MPZL1: variants seen among roughly 807,000 people sequenced by gnomAD.
MPZL1 encodes the protein myelin protein zero-like protein 1.
Under a neutral mutation model 29.3 loss-of-function variants are expected in MPZL1, and 16 were observed. That is an observed-to-expected ratio of 0.55 (90% CI 0.37 to 0.83). MPZL1 has a LOEUF of 0.83. Among genes scored for constraint, MPZL1 ranks in the 40% least tolerant of loss-of-function variants. The pLI is 0.00. For missense variants in MPZL1, 279 were observed against 332.9 expected (o/e 0.84, Z 1.26); for synonymous variants, 143 against 132.0 (o/e 1.08, Z -0.57).
At position 167,754,397 on chromosome 1, in the gene MPZL1, A is replaced by G. The variant is rs376649452; in HGVS notation, c.92-11186A>G. On this transcript the variant is annotated intron_variant, in intron 1 of 5. Transcript: ENST00000359523. ...AATCACAATAAAAAATAGCACACAC[A>G]CTTGTGGGTGGTTATATGAATAATT... 2.0e-3 allele frequency among the ~76,000 whole-genome samples: 299 copies of G among 152,294 alleles called. 1 individual carries two copies. The highest frequency in any genetic ancestry group is 7.1e-3 in the African/African-American group (294 of 41,546).
chr1:167,722,543 G>A (rs1660055858), intron 1 of MPZL1, among the ~76,000 whole-genome samples: 1 of 152,222 alleles, frequency 6.6e-6, no homozygotes, highest in Admixed American at 6.5e-5. Context: ...GACCCGGCGG[G>A]CGGCTGCGGT....
intron 1 of MPZL1, among the ~76,000 whole-genome samples, chr1:167,736,038 A>G (rs1054837271): frequency 6.6e-6 from 1 of 152,124 alleles, no homozygotes; most frequent in African/African-American, 2.4e-5. Context: ...GATATTACCA[A>G]ATCAACTAAC....
intron 1 of MPZL1, among the ~76,000 whole-genome samples, chr1:167,750,922 A>G (rs1031694740): frequency 6.6e-6 from 1 of 152,218 alleles, no homozygotes; most frequent in African/African-American, 2.4e-5. Flanking sequence ...TGTATATTAT[A>G]TAAGCCAGTT....
intron 1 of MPZL1, among the ~76,000 whole-genome samples, chr1:167,724,561 G>A (rs1226807143): frequency 6.6e-6 from 1 of 152,188 alleles, no homozygotes; most frequent in African/African-American, 2.4e-5. Flanking sequence ...CATTGATGCA[G>A]GCTTGAAAGA....
intron 1 of MPZL1, among the ~76,000 whole-genome samples, chr1:167,743,398 G>C (rs149086432): frequency 6.6e-6 from 1 of 151,614 alleles, no homozygotes; most frequent in African/African-American, 2.4e-5. Context: ...AGTAGAGACG[G>C]GGTTTCACCA....
chr1:167,772,639 A>G (rs1413179152), intron 3 of MPZL1, 151 bp downstream of exon 3: 1 of 675,380 alleles, frequency 1.5e-6, no homozygotes, highest in Non-Finnish European at 2.5e-6. Context: ...TGGCTCTACC[A>G]AACACACTTG....
intron 1 of MPZL1, 111 bp downstream of exon 1, chr1:167,722,353 G>A (rs1004667928): frequency 8.2e-7 from 1 of 1,225,666 alleles, no homozygotes; most frequent in Admixed American, 4.3e-5. Context: ...CCGAGGTGGG[G>A]AGGGGGCGCG....
At chr1:167,763,128 A>G (rs1661022264) in intron 1 of MPZL1, among the ~76,000 whole-genome samples, 1 of 146,868 alleles carries the variant, frequency 6.8e-6, no homozygotes, top group African/African-American at 2.4e-5. Flanking sequence ...GTGACTGTAA[A>G]CTTGGACACT....
At chr1:167,756,847 G>C (rs762027628) in intron 1 of MPZL1, among the ~76,000 whole-genome samples, 1 of 152,162 alleles carries the variant, frequency 6.6e-6, no homozygotes, top group Non-Finnish European at 1.5e-5. Context: ...TCTTGGGGGT[G>C]CAGACAGCCG....
chr1:167,771,835 C>T (rs1309807608), intron 2 of MPZL1, among the ~76,000 whole-genome samples: 1 of 152,116 alleles, frequency 6.6e-6, no homozygotes, highest in East Asian at 1.9e-4. Flanking sequence ...GCCTGGGCAG[C>T]ATTGAGCATT....
chr1:167,774,679 G>T (rs965902849), intron 4 of MPZL1: 20 of 152,232 alleles, frequency 1.3e-4, no homozygotes, highest in Admixed American at 1.2e-3. Flanking sequence ...CATCATGAAT[G>T]CTGCTGTTCT....
At chr1:167,786,623 A>G (rs534641287) in intron 5 of MPZL1, among the ~76,000 whole-genome samples, 117 of 152,340 alleles carry the variant, frequency 7.7e-4, no homozygotes, top group African/African-American at 2.7e-3. Context: ...GCACCATTGT[A>G]TAGCCCTTAC....
At chr1:167,729,622 G>T (rs985856128) in intron 1 of MPZL1, among the ~76,000 whole-genome samples, 3 of 152,160 alleles carry the variant, frequency 2.0e-5, no homozygotes, top group African/African-American at 4.8e-5. Context: ...GCAAATATTT[G>T]AAATCTCCTA....
intron 5 of MPZL1, among the ~76,000 whole-genome samples, chr1:167,782,851 C>A (rs1661523440): frequency 6.6e-6 from 1 of 152,086 alleles, no homozygotes; most frequent in African/African-American, 2.4e-5. Flanking sequence ...CCAAGAAATA[C>A]AGGCAGCTTC....
intron 2 of MPZL1, among the ~76,000 whole-genome samples, chr1:167,766,569 T>G (rs1661118456): frequency 6.6e-6 from 1 of 152,238 alleles, no homozygotes; most frequent in Non-Finnish European, 1.5e-5. Flanking sequence ...GCACATATTT[T>G]AGTACTGTTG....
chr1:167,752,525 G>A (rs1001467331), intron 1 of MPZL1, among the ~76,000 whole-genome samples: 4 of 152,088 alleles, frequency 2.6e-5, no homozygotes, highest in Non-Finnish European at 5.9e-5. Flanking sequence ...CAGAACTTAG[G>A]ACTTATTATA....
chr1:167,741,502 T>C (rs1181480556), intron 1 of MPZL1, among the ~76,000 whole-genome samples: 1 of 151,568 alleles, frequency 6.6e-6, no homozygotes, highest in East Asian at 1.9e-4. Context: ...ATTTTTGTAT[T>C]TTTAGTAGAG....
chr1:167,769,323 C>T (rs770134298), intron 2 of MPZL1, among the ~76,000 whole-genome samples: 2 of 152,126 alleles, frequency 1.3e-5, no homozygotes, highest in Non-Finnish European at 2.9e-5. Flanking sequence ...GAGCAAAGGA[C>T]AAATTTGTGT....
At position 167,765,732 on chromosome 1, in the gene MPZL1, G is replaced by A; in HGVS notation, c.241G>A (p.Ala81Thr). ...SVSWSFQPEG[A>T]DTTVSFFHYS... ...CTCCTGGAGCTTCCAGCCAGAGGGG[G>A]CCGACACTACTGTGTCGGTAAGAAT... The change falls in exon 2 of 6, where the codon GCC becomes ACC. Residue 81 changes from alanine to threonine, a missense_variant. Ala to Thr is a moderately conservative substitution (Grantham distance 58, BLOSUM62 0). Transcript: ENST00000359523. The A allele has an allele frequency of 1.2e-6, 2 of 1,611,160 alleles. No individual in the cohort carries two copies. Among genetic ancestry groups the A allele is most frequent in the South Asian group, 1.1e-5 (1 of 90,450 alleles).
Sources: allele counts gnomAD v4.1 joint callset (sites outside exome capture counted in the v4.1 genomes callset), GRCh38; gene constraint gnomAD v4.1.1; transcripts MANE v1.5; gene names NCBI Gene and HGNC (gene_info 2026-07-23, HGNC 2026-07-21).